Variants in TXNDC17 observed in about 807,000 individuals in gnomAD.
TXNDC17 encodes thioredoxin domain-containing protein 17.
A neutral mutation model predicts 16.3 loss-of-function variants in TXNDC17; 12 were observed. The ratio of observed to expected loss-of-function variants is 0.74; its 90% confidence interval spans 0.47 to 1.19. The LOEUF is 1.19. TXNDC17 is among the 50% of genes most tolerant of loss of function. The probability of loss-of-function intolerance (pLI) is 0.00; values close to 1 mark genes in which losing one functional copy is unlikely to be tolerated. For synonymous variants in TXNDC17, 62 were observed against 55.0 expected (o/e 1.13, Z -0.56); for missense variants, 158 against 149.7 (o/e 1.06, Z -0.29).
intron 3 of TXNDC17, 168 bp from the exon 4 acceptor site, chr17:6,642,783 T>G (rs1972709679): frequency 3.3e-6 from 2 of 605,110 alleles, no homozygotes; most frequent in Non-Finnish European, 5.8e-6. Context: ...GTGATTCATC[T>G]TACAGCAAAT....
At position 6,644,315 on chromosome 17, in the gene TXNDC17, A is replaced by T; in HGVS notation, c.*1296A>T. On this transcript the variant is annotated 3_prime_UTR_variant, in exon 4 of 4. Transcript: ENST00000250101. ...TCAGGTTTAACAGAAATAGTCTATT[A>T]ACAATAAAAAGTTGGATGAAAAAGC... is the stretch of plus-strand genomic sequence containing the variant. 1 of 793,546 alleles carries T rather than the reference A, an allele frequency of 1.3e-6. No homozygotes were observed. The highest frequency in any genetic ancestry group is 1.8e-6 in the Non-Finnish European group (1 of 550,732). 49.2% of individuals were successfully genotyped at this position (793,546 alleles called of 1,614,324 possible). A position where few individuals can be genotyped will look rare whatever the true frequency, so the allele number is the denominator to read the frequency against.
chr17:6,641,306 G>A, intron 1 of TXNDC17, 79 bp downstream of exon 1: 2 of 1,576,226 alleles, frequency 1.3e-6, no homozygotes, highest in Admixed American at 1.7e-5. Context: ...GGGGCTTAGC[G>A]GAGGCAGAGT....
At position 6,643,112 on chromosome 17, in the gene TXNDC17, A is replaced by T. The variant is rs1972716757; in HGVS notation, c.*93A>T. The stretch of plus-strand genomic sequence containing the variant: ...TTTGAATTCATGTTAGCAATAAATG[A>T]TGTTAAAAAAACTGGCATGTGTCTA... On this transcript the variant is annotated 3_prime_UTR_variant, in exon 4 of 4. Transcript: ENST00000250101. 5.0e-6 allele frequency: 6 copies of T among 1,198,856 alleles called. No individual in the cohort carries two copies. Among genetic ancestry groups the T allele is most frequent in the Admixed American group, 1.8e-5 (1 of 54,438 alleles). The allele number at this position is 1,198,856 out of a possible 1,614,324, so 74.3% of individuals were successfully genotyped here.
At chr17:6,642,078 T>G (rs1351069050) in intron 2 of TXNDC17, 171 bp from the exon 3 acceptor site, 7 of 663,932 alleles carry the variant, frequency 1.1e-5, no homozygotes, top group Admixed American at 2.9e-5. Context: ...AGTCACACTT[T>G]GAAACTTTGC....
At position 6,641,294 on chromosome 17, in the gene TXNDC17, G is replaced by C. The variant is rs1217867121; in HGVS notation, c.145+67G>C. ...AGGAAGGTCGAGCCTACGGCCAGAA[G>C]GGGGGCTTAGCGGAGGCAGAGTCTT... On this transcript the variant is annotated intron_variant, in intron 1 of 3. Transcript: ENST00000250101. 4.4e-6 allele frequency: 7 copies of C among 1,592,420 alleles called. No homozygotes were observed. The African/African-American group carries it at 9.4e-5, about 21-fold the overall frequency.
At chr17:6,641,460 C>A in intron 1 of TXNDC17, 1 of 646,552 alleles carries the variant, frequency 1.5e-6, no homozygotes, top group Non-Finnish European at 2.6e-6. Flanking sequence ...ACTTCTCACT[C>A]CCCCAGTACC....
At chr17:6,641,559 C>G (rs1222276263) in intron 1 of TXNDC17, 194 bp from the exon 2 acceptor site, 4 of 656,468 alleles carry the variant, frequency 6.1e-6, no homozygotes, top group Non-Finnish European at 1.0e-5. Flanking sequence ...CAAATCGGGA[C>G]TGGGATTTGG....
chr17:6,642,982 AG>A lies in TXNDC17; in HGVS notation c.337del (p.Ala113ProfsTer61). The A allele has an allele frequency of 6.2e-7, 1 of 1,613,972 alleles. No individual in the cohort carries two copies. The highest frequency in any genetic ancestry group is 8.5e-7 in the Non-Finnish European group (1 of 1,179,950). ...AAACTGGTAGAATCTGAGTGTCTTC[AG>A]GCCAACCTGGTGGAAATGTTGTTCT... ...PQKLVESECLQANLVEMLFSE... is the reference protein window; with the variant it reads ...PQKLVESECLXANLVEMLFSE... On this transcript the variant is annotated frameshift_variant, in exon 4 of 4. Transcript: ENST00000250101. LOFTEE classifies it high-confidence loss of function.
intron 2 of TXNDC17, 93 bp from the exon 3 acceptor site, chr17:6,642,156 C>A: frequency 1.1e-6 from 1 of 894,432 alleles, no homozygotes; most frequent in Non-Finnish European, 1.8e-6. Context: ...ACAGTGATTA[C>A]TAAAAAATTA....
chr17:6,641,235 C>G lies in TXNDC17; in HGVS notation c.145+8C>G. 1 of 1,613,020 alleles carries G rather than the reference C, an allele frequency of 6.2e-7. No individual in the cohort carries two copies. The highest frequency in any genetic ancestry group is 2.2e-5 in the East Asian group (1 of 44,884). ...GCCCCGACTGCGTGCAGGGTGAGGC[C>G]GGGATTCGGGGGCTGCTGTCCAATG... On this transcript the variant is annotated splice_region_variant and intron_variant, in intron 1 of 3. Transcript: ENST00000250101.
At chr17:6,641,616 T>G (rs1972669923) in intron 1 of TXNDC17, 137 bp from the exon 2 acceptor site, 1 of 836,270 alleles carries the variant, frequency 1.2e-6, no homozygotes, top group African/African-American at 1.7e-5. Context: ...ACACCTGACT[T>G]GTGTTGACCT....
intron 1 of TXNDC17, chr17:6,641,549 CA>C: frequency 1.5e-6 from 1 of 646,860 alleles, no homozygotes; most frequent in Non-Finnish European, 2.7e-6. Flanking sequence ...GGTGCAGGGG[CA>C]AATCGGGACT....
At chr17:6,641,383 C>A in intron 1 of TXNDC17, 156 bp downstream of exon 1, 1 of 1,117,360 alleles carries the variant, frequency 8.9e-7, no homozygotes, top group Non-Finnish European at 1.2e-6. Flanking sequence ...AATCCTACCC[C>A]GCCCTGCCAA....
Position 6,641,116 on chromosome 17 carries a change from T to C in TXNDC17, c.34T>C (p.Phe12Leu). ...CTATGAGGAGGTGAGCGTGTCCGGCTTCGAGGAGTTCCACCGGGCCGTGGA... is the reference window on the plus strand; with the variant it reads ...CTATGAGGAGGTGAGCGTGTCCGGCCTCGAGGAGTTCCACCGGGCCGTGGA... ...ARYEEVSVSG[F>L]EEFHRAVEQH... Residue 12 changes from phenylalanine (F) to leucine (L), a missense_variant, in exon 1 of 4, where the codon TTC (phenylalanine) becomes CTC (leucine). Phe to Leu is a conservative substitution (Grantham distance 22). Coordinates refer to ENST00000250101, the MANE Select transcript of TXNDC17 (RefSeq NM_032731.4). The C allele has an allele frequency of 6.2e-7, 1 of 1,613,594 alleles. No individual in the cohort carries two copies. Among genetic ancestry groups the C allele is most frequent in the Non-Finnish European group, 8.5e-7 (1 of 1,180,008 alleles).
At chr17:6,641,391 C>T (rs1233224225) in intron 1 of TXNDC17, 164 bp downstream of exon 1, 2 of 1,019,444 alleles carry the variant, frequency 2.0e-6, no homozygotes, top group African/African-American at 1.6e-5. Context: ...CCCGCCCTGC[C>T]AAGAGCGCTC....
At position 6,641,094 on chromosome 17, in the gene TXNDC17, TGAG is replaced by T; in HGVS notation, c.17_19del (p.Glu6del). The stretch of plus-strand genomic sequence containing the variant: ...TGCACGTCGTGCCAATGGCCCGCTA[TGAG>T]GAGGTGAGCGTGTCCGGCTTCGAGG... On this transcript the variant is annotated inframe_deletion, in exon 1 of 4. Transcript: ENST00000250101. The T allele has an allele frequency of 6.2e-7, 1 of 1,613,150 alleles. No individual in the cohort carries two copies. Among genetic ancestry groups the T allele is most frequent in the Non-Finnish European group, 8.5e-7 (1 of 1,179,908 alleles).
chr17:6,641,504 CAAAT>C, intron 1 of TXNDC17: 1 of 632,486 alleles, frequency 1.6e-6, no homozygotes, highest in Non-Finnish European at 2.7e-6. Context: ...AGTTGGTCAG[CAAAT>C]ACATGTGCTT....
At position 6,642,948 on chromosome 17, in the gene TXNDC17, C is replaced by T. The variant is rs377283534; in HGVS notation, c.304-3C>T. 2.2e-5 allele frequency: 35 copies of T among 1,612,114 alleles called. No homozygotes were observed. The Middle Eastern group carries it at 5.1e-4, about 23-fold the overall frequency. On this transcript the variant is annotated splice_region_variant and splice_polypyrimidine_tract_variant and intron_variant, in intron 3 of 3. Transcript: ENST00000250101. ...TGAAGATTTGACTGTTTTTCTCTTA[C>T]AGCCTCAAAAACTGGTAGAATCTGA... is the stretch of plus-strand genomic sequence containing the variant.
rs142987993 is a variant in TXNDC17 at position 6,641,140 on chromosome 17, G to A, written c.58G>A (p.Glu20Lys). 15 of 1,613,668 alleles carry A rather than the reference G, an allele frequency of 9.3e-6. No homozygotes were observed. In the African/African-American group the frequency reaches 1.3e-4, roughly 14 times the overall value. Residue 20 changes from glutamate to lysine, a missense_variant, in exon 1 of 4, where the codon GAA becomes AAA. Physicochemically the swap from Glu to Lys is moderately conservative, Grantham distance 56. Transcript: ENST00000250101. ...CTTCGAGGAGTTCCACCGGGCCGTGGAACAGCACAATGGCAAGACCATTTT... is the reference window on the plus strand; with the variant it reads ...CTTCGAGGAGTTCCACCGGGCCGTGAAACAGCACAATGGCAAGACCATTTT... ...SGFEEFHRAV[E>K]QHNGKTIFAY...
Sources: allele counts gnomAD v4.1 joint callset, GRCh38; gene constraint gnomAD v4.1.1; transcripts MANE v1.5; gene names NCBI Gene and HGNC (gene_info 2026-07-23, HGNC 2026-07-21).